Variants in ABCD3 observed in about 807,000 individuals in gnomAD.
The protein encoded by ABCD3 is ATP-binding cassette sub-family D member 3.
A neutral mutation model predicts 105.5 loss-of-function variants in ABCD3; 41 were observed. The ratio of observed to expected loss-of-function variants is 0.39; its 90% CI spans 0.30 to 0.50. The LOEUF is 0.50. Among genes scored for constraint, ABCD3 ranks in the 20% least tolerant of loss-of-function variants. The pLI is 0.84. For missense variants in ABCD3, 622 were observed against 806.3 expected, an observed-to-expected ratio of 0.77 and a Z score of 2.77; for synonymous variants, 258 against 269.0, an observed-to-expected ratio of 0.96 and a Z score of 0.40.
At chr1:94,484,504 G>A (rs1260275192) in intron 10 of ABCD3, among the ~76,000 whole-genome samples, 2 of 152,148 alleles carry the variant, frequency 1.3e-5, no homozygotes, top group Non-Finnish European at 2.9e-5. Flanking sequence ...GATGCAGCTG[G>A]CAACCATCAT....
the ABCD3 span, among the ~76,000 whole-genome samples, chr1:94,408,671 T>C: frequency 4.3e-4 from 66 of 152,244 alleles, no homozygotes; most frequent in African/African-American, 1.5e-3. Context: ...ATCATCCATA[T>C]GGCTGGATGA....
intron 20 of ABCD3, among the ~76,000 whole-genome samples, chr1:94,504,102 A>C (rs1650238585): frequency 6.6e-6 from 1 of 151,616 alleles, no homozygotes; most frequent in East Asian, 1.9e-4. Context: ...TAGTAGAGAC[A>C]GGGTTTCACT....
At chr1:94,512,727 A>G (rs927704613) in intron 21 of ABCD3, among the ~76,000 whole-genome samples, 3 of 152,052 alleles carry the variant, frequency 2.0e-5, no homozygotes, top group African/African-American at 4.8e-5. Flanking sequence ...TAATTATTCA[A>G]TAGTATCAGT....
Position 94,517,133 on chromosome 1 carries a change from A to G in ABCD3, c.*4A>G, listed in dbSNP as rs370189431. 34 of 1,596,744 alleles carry G rather than the reference A, an allele frequency of 2.1e-5. No homozygotes were observed. Among genetic ancestry groups the G allele is most frequent in the Non-Finnish European group, 2.7e-5 (31 of 1,164,954 alleles). On this transcript the variant is annotated 3_prime_UTR_variant, in exon 23 of 23. Transcript: ENST00000370214. ...TACAGTTGAGTTTGGCTCTTAGAGA[A>G]ATCTGGAGAACTATACCTGCTTCAG...
chr1:94,504,954 G>A (rs918808638), intron 20 of ABCD3, among the ~76,000 whole-genome samples: 12 of 152,082 alleles, frequency 7.9e-5, no homozygotes, highest in African/African-American at 2.9e-4. Context: ...ATAGCTGTGG[G>A]AGAGTGAAAG....
In ABCD3 at chr1:94,466,067, A is replaced by T. The variant is rs778274477; in HGVS notation, c.246+1194A>T. Among the ~76,000 whole-genome samples the T allele has an allele frequency of 1.3e-4, 19 of 151,934 alleles. No individual in the cohort carries two copies. The East Asian group carries it at 1.7e-3, about 14-fold the overall frequency. ...TCTGCCCTTGAGAAATTCTTTTTTTAAAAAAAGTAATGACACTTGTTTTTT... is the reference window on the plus strand; with the variant it reads ...TCTGCCCTTGAGAAATTCTTTTTTTTAAAAAAGTAATGACACTTGTTTTTT... On this transcript the variant is annotated intron_variant, in intron 3 of 22. Transcript: ENST00000370214.
intron 2 of ABCD3, among the ~76,000 whole-genome samples, chr1:94,461,927 G>A (rs1647891664): frequency 6.6e-6 from 1 of 152,150 alleles, no homozygotes; most frequent in Non-Finnish European, 1.5e-5. Context: ...TCCCTACAAT[G>A]TATAGGAATA....
the ABCD3 span, among the ~76,000 whole-genome samples, chr1:94,410,830 GA>G: frequency 6.6e-6 from 1 of 152,170 alleles, no homozygotes; most frequent in Admixed American, 6.5e-5. Context: ...TCTTAAAGTG[GA>G]AAAGCCTGAG....
At chr1:94,431,375 G>T (rs1011987266) in intron 1 of ABCD3, among the ~76,000 whole-genome samples, 3 of 152,118 alleles carry the variant, frequency 2.0e-5, no homozygotes, top group Admixed American at 1.3e-4. Flanking sequence ...AGTCAAAGTC[G>T]AGTGCTTGCT....
chr1:94,490,793 A>T (rs1375325724), intron 15 of ABCD3, among the ~76,000 whole-genome samples: 1 of 152,034 alleles, frequency 6.6e-6, no homozygotes. Context: ...CAGAAGTGGG[A>T]TTGCTAGATC....
At chr1:94,510,672 T>A (rs1650617462) in intron 21 of ABCD3, among the ~76,000 whole-genome samples, 2 of 152,260 alleles carry the variant, frequency 1.3e-5, no homozygotes, top group East Asian at 1.9e-4. Context: ...ATCTGGGTGC[T>A]CCTGTATTGG....
intron 1 of ABCD3, among the ~76,000 whole-genome samples, chr1:94,419,106 A>G (rs1659148843): frequency 6.6e-6 from 1 of 152,198 alleles, no homozygotes; most frequent in Admixed American, 6.5e-5. Context: ...ACTAACTGCT[A>G]TTGAAAGTCG....
the ABCD3 span, among the ~76,000 whole-genome samples, chr1:94,396,616 C>T: frequency 9.2e-5 from 14 of 151,766 alleles, no homozygotes; most frequent in Non-Finnish European, 1.6e-4. Flanking sequence ...TGTGTGCGCG[C>T]GCGCACGTGC....
intron 21 of ABCD3, among the ~76,000 whole-genome samples, chr1:94,507,650 CTGT>C (rs1211247047): frequency 2.0e-5 from 3 of 152,128 alleles, no homozygotes; most frequent in Non-Finnish European, 2.9e-5. Context: ...TCTCCAGCAC[CTGT>C]TGTTTCCTGA....
chr1:94,387,891 C>A, the ABCD3 span, among the ~76,000 whole-genome samples: 2 of 152,116 alleles, frequency 1.3e-5, no homozygotes, highest in Non-Finnish European at 2.9e-5. Flanking sequence ...TGTACTAAAT[C>A]TCTTTCTGCT....
At position 94,504,436 on chromosome 1, in the gene ABCD3, A is replaced by G. The variant is rs375339017; in HGVS notation, c.1741-2102A>G. Among the ~76,000 whole-genome samples, 48 of 152,296 alleles carry G rather than the reference A, an allele frequency of 3.2e-4. 1 individual carries two copies. In the East Asian group the frequency reaches 6.6e-3, roughly 21 times the overall value. ...GGTGTTACAGAAAGGACCCACTTGG[A>G]TTGTGGCTAGGGATGAGGGTAGGTT... On this transcript the variant is annotated intron_variant, in intron 20 of 22. Transcript: ENST00000370214.
At chr1:94,419,072 G>A (rs537794114) in intron 1 of ABCD3, 1 of 165,638 alleles carries the variant, frequency 6.0e-6, no homozygotes, top group South Asian at 1.5e-4. Flanking sequence ...TAAGTCACTT[G>A]GACGAGGTTT....
At chr1:94,486,606 G>T (rs1367263672) in intron 10 of ABCD3, among the ~76,000 whole-genome samples, 2 of 152,200 alleles carry the variant, frequency 1.3e-5, no homozygotes, top group Admixed American at 1.3e-4. Flanking sequence ...ATAATTTCAG[G>T]TAGTAATGAA....
chr1:94,487,151 G>A (rs1015162938), intron 10 of ABCD3, among the ~76,000 whole-genome samples: 1 of 152,112 alleles, frequency 6.6e-6, no homozygotes, highest in African/African-American at 2.4e-5. Flanking sequence ...GTGCCAATCC[G>A]GACAGCTAGT....
Sources: gnomAD v4.1 joint callset for allele counts (sites outside exome capture counted in the v4.1 genomes callset) on GRCh38, gnomAD v4.1.1 for gene constraint, MANE v1.5 for transcripts, NCBI Gene and HGNC (gene_info 2026-07-23, HGNC 2026-07-21) for gene names.